The following EZH2 variants were observed in gnomAD, a reference collection of about 807,000 sequenced individuals.
The protein encoded by EZH2 is enhancer of zeste 2 polycomb repressive complex 2 subunit.
A neutral mutation model predicts 98.4 loss-of-function variants in EZH2; 18 were observed. The ratio of observed to expected loss-of-function variants is 0.18; its 90% CI spans 0.13 to 0.27. EZH2 has a LOEUF of 0.27. EZH2 is among the 10% of genes least tolerant of loss of function. The pLI is 1.00. For missense variants in EZH2, 470 were observed against 935.1 expected, an observed-to-expected ratio of 0.50 and a Z score of 6.49; for synonymous variants, 338 against 312.3, an observed-to-expected ratio of 1.08 and a Z score of -0.87.
At chr7:148,827,416 AC>A in intron 6 of EZH2, 150 bp from the exon 7 acceptor site, 1 of 600,394 alleles carries the variant, frequency 1.7e-6, no homozygotes. Context: ...CACATACTTT[AC>A]ATGTCTGTGG....
intron 3 of EZH2, among the ~76,000 whole-genome samples, chr7:148,845,070 A>T (rs989834022): frequency 6.6e-6 from 1 of 152,212 alleles, no homozygotes; most frequent in African/African-American, 2.4e-5. Flanking sequence ...CTTTTATTAT[A>T]AACCTAAGTT....
intron 5 of EZH2, 50 bp from the exon 6 acceptor site, chr7:148,828,930 A>C (rs1256027645): frequency 1.3e-6 from 2 of 1,540,356 alleles, no homozygotes; most frequent in South Asian, 2.4e-5. Context: ...ATAATGTCAA[A>C]AGTTTATGTA....
chr7:148,872,954 G>C (rs561593502), intron 1 of EZH2, among the ~76,000 whole-genome samples: 1 of 152,130 alleles, frequency 6.6e-6, no homozygotes, highest in South Asian at 2.1e-4. Context: ...TATAATCCCA[G>C]CTTTGGGAGG....
At chr7:148,866,327 C>G (rs1818435725) in intron 1 of EZH2, among the ~76,000 whole-genome samples, 1 of 151,362 alleles carries the variant, frequency 6.6e-6, no homozygotes, top group South Asian at 2.1e-4. Flanking sequence ...GTGATTAGAC[C>G]ACGACGGTTC....
chr7:148,808,984 A>G (rs1802318677), intron 19 of EZH2, 87 bp downstream of exon 19: 2 of 1,066,070 alleles, frequency 1.9e-6, no homozygotes, highest in East Asian at 2.4e-5. Flanking sequence ...CAAAAGAAGC[A>G]AAGAACTAAA....
At chr7:148,826,796 G>A (rs1021555041) in intron 7 of EZH2, among the ~76,000 whole-genome samples, 164 bp from the exon 8 acceptor site, 1 of 152,160 alleles carries the variant, frequency 6.6e-6, no homozygotes, top group Admixed American at 6.5e-5. Context: ...TGTGCATGGT[G>A]TTATCAAGAA....
chr7:148,843,089 T>G (rs1394487414), intron 3 of EZH2, among the ~76,000 whole-genome samples: 1 of 151,234 alleles, frequency 6.6e-6, no homozygotes, highest in Non-Finnish European at 1.5e-5. Flanking sequence ...ATGCCTGTAA[T>G]CCCAGCTACT....
intron 10 of EZH2, 185 bp downstream of exon 10, chr7:148,817,692 C>T (rs552610674): frequency 1.2e-6 from 1 of 828,632 alleles, no homozygotes; most frequent in African/African-American, 1.7e-5. Context: ...AGGGCAAACA[C>T]CACAAGCTAG....
chr7:148,866,563 CATAT>C (rs56120446), intron 1 of EZH2, among the ~76,000 whole-genome samples: 1 of 122,798 alleles, frequency 8.1e-6, no homozygotes, highest in Non-Finnish European at 1.7e-5. Flanking sequence ...TACATATATA[CATAT>C]ATATACGTAT....
intron 1 of EZH2, among the ~76,000 whole-genome samples, chr7:148,869,077 C>T (rs2129490629): frequency 6.6e-6 from 1 of 152,218 alleles, no homozygotes; most frequent in East Asian, 1.9e-4. Flanking sequence ...CTTTTAGGTG[C>T]TATTATGCCC....
intron 3 of EZH2, among the ~76,000 whole-genome samples, chr7:148,843,980 A>C (rs1164015086): frequency 6.6e-6 from 1 of 152,236 alleles, no homozygotes; most frequent in Non-Finnish European, 1.5e-5. Context: ...AATTGAAGAC[A>C]CCAGCACTTA....
chr7:148,864,874 C>T (rs2129489334), intron 1 of EZH2, among the ~76,000 whole-genome samples: 1 of 152,130 alleles, frequency 6.6e-6, no homozygotes, highest in African/African-American at 2.4e-5. Flanking sequence ...CGCCTGTAAT[C>T]CTAGCACTTT....
chr7:148,813,084 C>G (rs1001896267), intron 15 of EZH2, among the ~76,000 whole-genome samples: 2 of 150,626 alleles, frequency 1.3e-5, no homozygotes, highest in Non-Finnish European at 3.0e-5. Flanking sequence ...CACACACACA[C>G]AGAGCATAAG....
At chr7:148,810,463 G>T in intron 16 of EZH2, 49 bp from the exon 17 acceptor site, 1 of 1,329,172 alleles carries the variant, frequency 7.5e-7, no homozygotes, top group Non-Finnish European at 1.1e-6. Flanking sequence ...AGGTGATCAA[G>T]CCTGACAGAA....
In EZH2 at chr7:148,807,826, A is replaced by C. The variant is rs545537606; in HGVS notation, c.2196-120T>G. On this transcript the variant is annotated intron_variant, in intron 19 of 19. Transcript: ENST00000320356. ...ATTAAAATGTCTTTAAAAAAAAAAAAAAAAAAAAAACCCATCCAATTACAC... is the reference window on the plus strand; with the variant it reads ...ATTAAAATGTCTTTAAAAAAAAAAACAAAAAAAAAACCCATCCAATTACAC... 24 of 670,502 alleles carry C rather than the reference A, an allele frequency of 3.6e-5. No individual in the cohort carries two copies. The East Asian group carries it at 3.7e-4, about 10-fold the overall frequency. The allele number at this position is 670,502 out of a possible 1,614,324, so 41.5% of individuals were successfully genotyped here. A position where few individuals can be genotyped will look rare whatever the true frequency, so the allele number is the denominator to read the frequency against.
intron 19 of EZH2, 149 bp from the exon 20 acceptor site, chr7:148,807,855 TG>T: frequency 3.3e-6 from 2 of 612,800 alleles, no homozygotes; most frequent in Non-Finnish European, 5.7e-6. Context: ...ATTACACAGC[TG>T]CCTGCATAAC....
chr7:148,817,090 G>A (rs1297071840), intron 11 of EZH2, 132 bp downstream of exon 11: 4 of 853,288 alleles, frequency 4.7e-6, no homozygotes, highest in Admixed American at 3.2e-5. Flanking sequence ...CTCTTGGGAA[G>A]AAAAAAAAAT....
chr7:148,814,282 G>A (rs1418879109), intron 14 of EZH2, 145 bp from the exon 15 acceptor site: 3 of 684,908 alleles, frequency 4.4e-6, no homozygotes, highest in East Asian at 5.3e-5. Context: ...ACAAGGAAAT[G>A]GAAGTATTAA....
chr7:148,818,934 T>C, intron 9 of EZH2: 1 of 425,078 alleles, frequency 2.4e-6, no homozygotes, highest in African/African-American at 2.0e-5. Flanking sequence ...CCAACAGTTT[T>C]ATACTTCATT....
Sources: allele counts gnomAD v4.1 joint callset (sites outside exome capture counted in the v4.1 genomes callset), GRCh38; gene constraint gnomAD v4.1.1; transcripts MANE v1.5; gene names NCBI Gene and HGNC (gene_info 2026-07-23, HGNC 2026-07-21).